TRPM7: variants seen among roughly 807,000 people sequenced by gnomAD.
TRPM7 encodes the protein LTRPC ion channel family member 7.
TRPM7 carries 134 observed loss-of-function variants against 229.7 expected under a neutral mutation model. That is an observed-to-expected ratio of 0.58 (90% CI 0.51 to 0.67). TRPM7 has a LOEUF of 0.67. Among genes scored for constraint, TRPM7 ranks in the 30% least tolerant of loss-of-function variants. The probability of loss-of-function intolerance (pLI) is 0.00; values close to 1 mark genes in which losing one functional copy is unlikely to be tolerated. For missense variants in TRPM7, 1,901 were observed against 2,210.0 expected (o/e 0.86, Z 2.80); for synonymous variants, 699 against 715.2 (o/e 0.98, Z 0.36).
chr15:50,585,219 G>A (rs111539864), intron 28 of TRPM7, among the ~76,000 whole-genome samples: 5,296 of 151,906 alleles, frequency 0.035, 306 homozygotes, highest in African/African-American at 0.12. Flanking sequence ...CCGCCACCGC[G>A]CCCGGCTAAT....
In TRPM7 at chr15:50,676,345, A is replaced by T. The variant is rs1701043953; in HGVS notation, c.3+10186T>A. On this transcript the variant is annotated intron_variant, in intron 1 of 38. Transcript: ENST00000646667. ...ACATTCTATGATTATATATATTAAA[A>T]TTAGAAAATTCTAGCTATGGAGAAG... Among the ~76,000 whole-genome samples, 4 of 152,134 alleles carry T rather than the reference A, an allele frequency of 2.6e-5. No individual in the cohort carries two copies. In the South Asian group the frequency reaches 8.3e-4, roughly 31 times the overall value.
chr15:50,569,122 A>G (rs978606055), intron 38 of TRPM7, among the ~76,000 whole-genome samples: 7 of 151,966 alleles, frequency 4.6e-5, no homozygotes, highest in Admixed American at 1.3e-4. Flanking sequence ...ACAGCTTTGA[A>G]CTCCTGAGCT....
At chr15:50,601,065 C>T (rs1403264319) in intron 21 of TRPM7, among the ~76,000 whole-genome samples, 2 of 151,754 alleles carry the variant, frequency 1.3e-5, no homozygotes, top group Admixed American at 1.3e-4. Flanking sequence ...TTTTAAAAGG[C>T]AAAAAAAGTA....
chr15:50,641,289 C>T (rs1372936169), intron 5 of TRPM7, among the ~76,000 whole-genome samples: 1 of 152,202 alleles, frequency 6.6e-6, no homozygotes, highest in Non-Finnish European at 1.5e-5. Flanking sequence ...TCTCTACCAC[C>T]ATACACCAGA....
Position 50,579,505 on chromosome 15 carries a change from T to G in TRPM7, c.4593-841A>C, listed in dbSNP as rs551950518. 5.3e-5 allele frequency among the ~76,000 whole-genome samples: 8 copies of G among 152,322 alleles called. No individual in the cohort carries two copies. The South Asian group carries it at 1.7e-3, about 32-fold the overall frequency. On this transcript the variant is annotated intron_variant, in intron 30 of 38. Coordinates refer to ENST00000646667, the MANE Select transcript of TRPM7 (RefSeq NM_017672.6). The stretch of plus-strand genomic sequence containing the variant: ...TAATCAATCACTCTTTTCTCAGCAC[T>G]CAAAGGGCTGCCAATCAGCTCCACC...
intron 13 of TRPM7, among the ~76,000 whole-genome samples, chr15:50,616,414 C>T (rs1185361687): frequency 6.6e-6 from 1 of 152,094 alleles, no homozygotes; most frequent in African/African-American, 2.4e-5. Flanking sequence ...AACGTCTCCC[C>T]CATTACTTAA....
chr15:50,621,181 A>AAC (rs1567026438), intron 12 of TRPM7, among the ~76,000 whole-genome samples: 14 of 150,336 alleles, frequency 9.3e-5, no homozygotes, highest in African/African-American at 3.5e-4. Flanking sequence ...AAAAAAAAAA[A>AAC]ACCTATTTAT....
chr15:50,561,530 AATATTGACCTTT>A lies in TRPM7; in HGVS notation c.*136_*147del. On this transcript the variant is annotated 3_prime_UTR_variant, in exon 39 of 39. Transcript: ENST00000646667. ...TCTGACTGATTAATCAGGTCAAAAG[AATATTGACCTTT>A]TAACTGTGCTGGAGTCAGCAAATTC... 1 of 793,500 alleles carries A rather than the reference AATATTGACCTTT, an allele frequency of 1.3e-6. No individual in the cohort carries two copies. The highest frequency in any genetic ancestry group is 1.8e-5 in the African/African-American group (1 of 56,034). 49.2% of individuals were successfully genotyped at this position (793,500 alleles called of 1,614,324 possible).
At chr15:50,585,130 C>G (rs954444036) in intron 28 of TRPM7, among the ~76,000 whole-genome samples, 1 of 146,724 alleles carries the variant, frequency 6.8e-6, no homozygotes, top group South Asian at 2.1e-4. Flanking sequence ...GGCGCAATCT[C>G]GGCTCACTGC....
In TRPM7 at chr15:50,605,244, T is replaced by G; in HGVS notation, c.2710-100A>C. ...ACATTACAGTAGAATTTCACATAGC[T>G]TTTATTTATTAACTTATTTATTTTG... On this transcript the variant is annotated intron_variant, in intron 20 of 38. Transcript: ENST00000646667. The G allele has an allele frequency of 4.9e-6, 5 of 1,023,966 alleles. No individual in the cohort carries two copies. The South Asian group carries it at 9.1e-5, about 19-fold the overall frequency. The allele number at this position is 1,023,966 out of a possible 1,614,324, so 63.4% of individuals were successfully genotyped here. A position where few individuals can be genotyped will look rare whatever the true frequency, so the allele number is the denominator to read the frequency against.
chr15:50,642,503 A>G (rs530373221), intron 5 of TRPM7, among the ~76,000 whole-genome samples: 32 of 152,280 alleles, frequency 2.1e-4, no homozygotes, highest in African/African-American at 7.0e-4. Context: ...CGGTTTCCCC[A>G]ATGCTGTTCT....
chr15:50,656,230 A>G (rs886086760), intron 3 of TRPM7, among the ~76,000 whole-genome samples: 1 of 152,192 alleles, frequency 6.6e-6, no homozygotes, highest in Non-Finnish European at 1.5e-5. Context: ...CTCACCATCT[A>G]TAAGAAGAAA....
rs749122179 is a variant in TRPM7, at chr15:50,619,753, C to T, written c.1486G>A (p.Val496Ile). Residue 496 changes from valine to isoleucine, a missense_variant, in exon 13 of 39, where the codon GTC becomes ATC. Val to Ile is a conservative substitution (Grantham distance 29). This residue lies in a region of TRPM7 where 794 missense variants were observed against 881.9 expected (regional missense o/e 0.90). Coordinates refer to ENST00000646667, the MANE Select transcript of TRPM7 (RefSeq NM_017672.6). Reference sequence around the variant, plus strand: ...AAAAAATAATCTCTTACCTGTTTGACGTCTCGAACAAGATGAAACAGCATT... The same window carrying T: ...AAAAAATAATCTCTTACCTGTTTGATGTCTCGAACAAGATGAAACAGCATT... ...NPMLFHLVRD[V>I]KQGNLPPGYK... 21 of 1,592,590 alleles carry T rather than the reference C, an allele frequency of 1.3e-5. No homozygotes were observed. The East Asian group carries it at 1.8e-4, about 14-fold the overall frequency.
rs1368578452 is a variant in TRPM7, at chr15:50,612,510, A to T, written c.2051+39T>A. The T allele has an allele frequency of 3.8e-6, 6 of 1,583,012 alleles. 1 individual carries two copies. In the South Asian group the frequency reaches 6.9e-5, roughly 18 times the overall value. On this transcript the variant is annotated intron_variant, in intron 16 of 38. Transcript: ENST00000646667. Reference sequence around the variant, plus strand: ...AGCCACTCAAACAATACCTACTTTGAATTTTTAAAATGTTTTCAAATGATA... The same window carrying T: ...AGCCACTCAAACAATACCTACTTTGTATTTTTAAAATGTTTTCAAATGATA...
chr15:50,640,230 T>TA (rs1157285693), intron 5 of TRPM7, among the ~76,000 whole-genome samples: 1 of 152,086 alleles, frequency 6.6e-6, no homozygotes, highest in Non-Finnish European at 1.5e-5. Flanking sequence ...GAGAAAAGTA[T>TA]AAAAGGCAGT....
intron 2 of TRPM7, 22 bp from the exon 3 acceptor site, chr15:50,657,841 A>C (rs1410127308): frequency 6.2e-7 from 1 of 1,601,824 alleles, no homozygotes; most frequent in Non-Finnish European, 8.5e-7. Flanking sequence ...AAAAAGGTAA[A>C]TAAATTATTT....
chr15:50,608,532 A>G (rs2059980832), intron 19 of TRPM7, among the ~76,000 whole-genome samples: 1 of 152,232 alleles, frequency 6.6e-6, no homozygotes, highest in Non-Finnish European at 1.5e-5. Flanking sequence ...ATGAATGCAA[A>G]TGTAAGCAAA....
chr15:50,600,971 T>C (rs1479793930), intron 21 of TRPM7, among the ~76,000 whole-genome samples: 1 of 152,228 alleles, frequency 6.6e-6, no homozygotes, highest in Non-Finnish European at 1.5e-5. Flanking sequence ...AATAATGCCT[T>C]CATTGAGCAT....
intron 4 of TRPM7, among the ~76,000 whole-genome samples, chr15:50,646,658 G>C (rs1479460744): frequency 6.6e-6 from 1 of 152,136 alleles, no homozygotes; most frequent in African/African-American, 2.4e-5. Context: ...ATGCTGACAA[G>C]AGCACATAAG....
Sources: allele counts gnomAD v4.1 joint callset (sites outside exome capture counted in the v4.1 genomes callset), GRCh38; gene constraint gnomAD v4.1.1; regional missense constraint gnomAD v4.1.1; transcripts MANE v1.5; gene names NCBI Gene and HGNC (gene_info 2026-07-23, HGNC 2026-07-21).